The following AWAT2 variants were observed in gnomAD, a reference collection of about 807,000 sequenced individuals.
AWAT2 encodes the protein 11-cis-RE-synthase.
AWAT2 carries 9 observed loss-of-function variants against 22.3 expected under a neutral mutation model. The ratio of observed to expected loss-of-function variants is 0.40; its 90% CI spans 0.24 to 0.70. The LOEUF (loss-of-function observed/expected upper bound fraction) is 0.70, where lower values mean the gene tolerates loss of function less well. Among genes scored for constraint, AWAT2 ranks in the 30% least tolerant of loss-of-function variants. The probability of loss-of-function intolerance (pLI) is 0.36; values close to 1 mark genes in which losing one functional copy is unlikely to be tolerated. For missense variants in AWAT2, 217 were observed against 265.9 expected (o/e 0.82, Z 1.28); for synonymous variants, 100 against 93.4 (o/e 1.07, Z -0.40).
rs1221850626 is a variant in AWAT2, at chrX:70,041,355, G to A, written c.*303C>T. 3 of 114,693 alleles carry A rather than the reference G, an allele frequency of 2.6e-5. No individual in the cohort carries two copies. The highest frequency in any genetic ancestry group is 3.6e-4 in the South Asian group (1 of 2,754). The allele number at this position is 114,693 out of a possible 1,213,427, so 9.5% of individuals were successfully genotyped here. ...CTCTCAAGGCCCCAGTCCTACTCCT[G>A]TAGGAAGCAGGACTCAATGCCAGAA... On this transcript the variant is annotated 3_prime_UTR_variant, in exon 8 of 8. Coordinates refer to ENST00000276101, the MANE Select transcript of AWAT2 (RefSeq NM_001002254.1).
intron 1 of AWAT2, among the ~76,000 whole-genome samples, chrX:70,048,324 CCTG>C (rs1375076469): frequency 9.0e-6 from 1 of 111,474 alleles, no homozygotes; most frequent in East Asian, 2.8e-4. Flanking sequence ...CAATCTGTCC[CCTG>C]CCTGTTTCTC....
rs769181246 is a variant in AWAT2 at position 70,043,085 on chromosome X, T to C, written c.631A>G (p.Met211Val). 5 of 1,192,991 alleles carry C rather than the reference T, an allele frequency of 4.2e-6. No individual in the cohort carries two copies. The East Asian group carries it at 1.2e-4, about 29-fold the overall frequency. ...VLKNRSGFVR[M>V]ALQHGVPLIP... is the part of the protein sequence containing the mutation. ...TGTCCTTACCCATGCTGAAGGGCCA[T>C]GCGCACAAAGCCAGACCGGTTCTTC... is the stretch of plus-strand genomic sequence containing the variant. The change falls in exon 5 of 8, where the codon ATG (methionine) becomes GTG (valine). Residue 211 changes from methionine (M) to valine (V), a missense_variant. Met to Val is a conservative substitution (Grantham distance 21). Transcript: ENST00000276101.
At position 70,043,159 on chromosome X, in the gene AWAT2, C is replaced by T; in HGVS notation, c.557G>A (p.Gly186Glu). 8.3e-7 allele frequency: 1 copy of T among 1,206,468 alleles called. No homozygotes were observed. Among genetic ancestry groups the T allele is most frequent in the Non-Finnish European group, 1.1e-6 (1 of 892,967 alleles). Residue 186 changes from glycine (G) to glutamate (E), a missense_variant, in exon 5 of 8, where the codon GGA becomes GAA. Coordinates refer to ENST00000276101, the MANE Select transcript of AWAT2 (RefSeq NM_001002254.1). ...TGNMVIVVIG[G>E]LAECRYSLPG... ...CAGGCTGTATCTGCACTCAGCCAGTCCACCAATCACCACAATGACCATGTT... is the reference window on the plus strand; with the variant it reads ...CAGGCTGTATCTGCACTCAGCCAGTTCACCAATCACCACAATGACCATGTT...
chrX:70,043,433 G>A (rs1602630294), intron 4 of AWAT2, 45 bp downstream of exon 4: 1 of 1,137,494 alleles, frequency 8.8e-7, no homozygotes, highest in Middle Eastern at 2.6e-4. Flanking sequence ...TTCTCCCTTG[G>A]GGAGCCATTT....
At position 70,040,921 on chromosome X, in the gene AWAT2, G is replaced by T. The variant is rs1355740451; in HGVS notation, c.*737C>A. 2 of 112,114 alleles carry T rather than the reference G, an allele frequency of 1.8e-5. No individual in the cohort carries two copies. The highest frequency in any genetic ancestry group is 3.8e-5 in the Non-Finnish European group (2 of 53,250). 9.2% of individuals were successfully genotyped at this position (112,114 alleles called of 1,213,427 possible). ...GCCAGGCGCCTCATTTTCATCCTGA[G>T]CAGGCTGGCTGACTCTCAAACAAAG... On this transcript the variant is annotated 3_prime_UTR_variant, in exon 8 of 8. Transcript: ENST00000276101.
chrX:70,044,068 C>T, intron 2 of AWAT2, 72 bp from the exon 3 acceptor site: 2 of 1,050,784 alleles, frequency 1.9e-6, no homozygotes, highest in Non-Finnish European at 1.3e-6. Flanking sequence ...GCTCTCACCC[C>T]CTGCTGTTTC....
In AWAT2 at chrX:70,043,434, G is replaced by A. The variant is rs762532501; in HGVS notation, c.472+44C>T. ...GCATCCCCCTACAATTCTCCCTTGG[G>A]GAGCCATTTTTTCTTTGGCTTTGTG... On this transcript the variant is annotated intron_variant, in intron 4 of 7. Transcript: ENST00000276101. 8.8e-6 allele frequency: 10 copies of A among 1,138,040 alleles called. No individual in the cohort carries two copies. In the African/African-American group the frequency reaches 1.6e-4, roughly 18 times the overall value. The allele number at this position is 1,138,040 out of a possible 1,213,427, so 93.8% of individuals were successfully genotyped here.
At chrX:70,044,517 C>A in intron 1 of AWAT2, 55 bp from the exon 2 acceptor site, 2 of 1,178,052 alleles carry the variant, frequency 1.7e-6, no homozygotes, top group Non-Finnish European at 2.3e-6. Flanking sequence ...TCACACTTAC[C>A]CTCTCTCCGG....
intron 1 of AWAT2, among the ~76,000 whole-genome samples, chrX:70,046,155 C>T (rs1397019176): frequency 3.6e-5 from 4 of 111,685 alleles, no homozygotes; most frequent in East Asian, 2.8e-4. Context: ...ATTGACAGGT[C>T]TGCACAGATT....
At position 70,041,721 on chromosome X, in the gene AWAT2, G is replaced by T; in HGVS notation, c.*35+52C>A. On this transcript the variant is annotated intron_variant, in intron 7 of 7. Coordinates refer to ENST00000276101, the MANE Select transcript of AWAT2 (RefSeq NM_001002254.1). Reference sequence around the variant, plus strand: ...AGGAGGACTGGTCAAATCAGGAGCGGGAGCCTGATAGGTGACTTTTGTCCT... The same window carrying T: ...AGGAGGACTGGTCAAATCAGGAGCGTGAGCCTGATAGGTGACTTTTGTCCT... 4 of 1,005,273 alleles carry T rather than the reference G, an allele frequency of 4.0e-6. No homozygotes were observed. The South Asian group carries it at 9.6e-5, about 24-fold the overall frequency. The allele number at this position is 1,005,273 out of a possible 1,213,427, so 82.8% of individuals were successfully genotyped here.
At chrX:70,049,117 C>T (rs1051424369) in intron 1 of AWAT2, among the ~76,000 whole-genome samples, 1 of 111,704 alleles carries the variant, frequency 9.0e-6, no homozygotes, top group African/African-American at 3.3e-5. Context: ...AAGGAATGCC[C>T]ACCCTTCCTA....
chrX:70,041,968 A>C lies in AWAT2; in HGVS notation c.848-6T>G, dbSNP rs2281933. 3 of 1,206,877 alleles carry C rather than the reference A, an allele frequency of 2.5e-6. No individual in the cohort carries two copies. Among genetic ancestry groups the C allele is most frequent in the Non-Finnish European group, 3.4e-6 (3 of 893,386 alleles). ...CATTGGTAGAGGCTCCCCGACTGCC[A>C]GGGGAGACAGTGAAGGAAAAGGGAA... On this transcript the variant is annotated splice_polypyrimidine_tract_variant and splice_region_variant and intron_variant, in intron 6 of 7. Coordinates refer to ENST00000276101, the MANE Select transcript of AWAT2 (RefSeq NM_001002254.1).
intron 1 of AWAT2, among the ~76,000 whole-genome samples, chrX:70,046,990 TA>T (rs1482884556): frequency 1.0e-5 from 1 of 95,870 alleles, no homozygotes; most frequent in Non-Finnish European, 2.2e-5. Context: ...AATATTACAC[TA>T]AAAAATAAAA....
Position 70,042,054 on chromosome X carries a change from C to G in AWAT2, c.848-92G>C, listed in dbSNP as rs201120184. On this transcript the variant is annotated intron_variant, in intron 6 of 7. Coordinates refer to ENST00000276101, the MANE Select transcript of AWAT2 (RefSeq NM_001002254.1). The stretch of plus-strand genomic sequence containing the variant: ...CAGGCTTCAAGCCCAGACTCTTCCC[C>G]ATCCTCACCTCAAAAAGCTGCCACT... 1.6e-4 allele frequency: 174 copies of G among 1,100,789 alleles called. No homozygotes were observed. The East Asian group carries it at 4.9e-3, about 31-fold the overall frequency. 90.7% of individuals were successfully genotyped at this position (1,100,789 alleles called of 1,213,427 possible).
intron 1 of AWAT2, among the ~76,000 whole-genome samples, chrX:70,049,512 G>A (rs1213099516): frequency 9.0e-6 from 1 of 111,366 alleles, no homozygotes. Flanking sequence ...GCTAGCCTCA[G>A]TGGAACTGCT....
In AWAT2 at chrX:70,043,652, G is replaced by T; in HGVS notation, c.298C>A (p.Arg100Ser). ...LLKTHDICPSRNYILVCHPHG... is the reference protein window; with the variant it reads ...LLKTHDICPSSNYILVCHPHG... ...GGGTGGCAGACGAGGATGTAGTTGCGGCTGGGGCAGATGTCATGAGTCTTC... is the reference window on the plus strand; with the variant it reads ...GGGTGGCAGACGAGGATGTAGTTGCTGCTGGGGCAGATGTCATGAGTCTTC... The change falls in exon 4 of 8, where the codon CGC (arginine) becomes AGC (serine). Residue 100 changes from arginine (R) to serine (S), a missense_variant. Physicochemically the swap from Arg to Ser is moderately radical, Grantham distance 110. Coordinates refer to ENST00000276101, the MANE Select transcript of AWAT2 (RefSeq NM_001002254.1). The T allele has an allele frequency of 5.8e-6, 7 of 1,208,898 alleles. No homozygotes were observed. Among genetic ancestry groups the T allele is most frequent in the Non-Finnish European group, 7.8e-6 (7 of 894,301 alleles).
At position 70,041,850 on chromosome X, in the gene AWAT2, G is replaced by A. The variant is rs1398887517; in HGVS notation, c.960C>T (p.Thr320=). The change falls in exon 7 of 8, where the codon ACC becomes ACT. Residue 320 remains threonine, a synonymous_variant. Coordinates refer to ENST00000276101, the MANE Select transcript of AWAT2 (RefSeq NM_001002254.1). ...CCTGGGTCTCTGAGATACCAAACTT[G>A]GTCTTATGCTGGTCAAACAGTTTAC... The part of the protein sequence containing the change: ...ALRKLFDQHK[T]KFGISETQEL... 2.5e-6 allele frequency: 3 copies of A among 1,208,891 alleles called. No individual in the cohort carries two copies. The highest frequency in any genetic ancestry group is 3.4e-6 in the Non-Finnish European group (3 of 894,669).
chrX:70,046,370 T>C (rs1468518321), intron 1 of AWAT2, among the ~76,000 whole-genome samples: 1 of 108,544 alleles, frequency 9.2e-6, no homozygotes, highest in African/African-American at 3.3e-5. Flanking sequence ...CTATGAAATG[T>C]TAAATTTGTG....
rs781677339 is a variant in AWAT2 at position 70,043,964 on chromosome X, G to T, written c.229C>A (p.Arg77Ser). The T allele has an allele frequency of 9.2e-6, 11 of 1,199,369 alleles. No homozygotes were observed. The highest frequency in any genetic ancestry group is 4.5e-5 in the Admixed American group (2 of 44,778). ...GRRFTCVRHW[R>S]LWKHYSDYFP... ...TAATCGCTGTAGTGTTTCCACAGGC[G>T]CCAGTGCCTCACACAGGTAAACCGG... The change falls in exon 3 of 8, where the codon CGC becomes AGC. Residue 77 changes from arginine (R) to serine (S), a missense_variant. Transcript: ENST00000276101.
Sources: allele counts gnomAD v4.1 joint callset (sites outside exome capture counted in the v4.1 genomes callset), GRCh38; gene constraint gnomAD v4.1.1; transcripts MANE v1.5; gene names NCBI Gene and HGNC (gene_info 2026-07-23, HGNC 2026-07-21).